The following CLPB variants were observed in gnomAD, a reference collection of about 807,000 sequenced individuals.
CLPB encodes ClpB family mitochondrial disaggregase, also known as mitochondrial disaggregase.
A neutral mutation model predicts 78.4 loss-of-function variants in CLPB; 40 were observed. That is an observed-to-expected ratio of 0.51 (90% CI 0.40 to 0.66). The LOEUF (loss-of-function observed/expected upper bound fraction) is 0.66. Ranked by LOEUF, CLPB falls within the 30% of genes least tolerant of loss-of-function variation. The pLI is 0.00. For missense variants in CLPB, 780 were observed against 886.9 expected, an observed-to-expected ratio of 0.88 and a Z score of 1.53; for synonymous variants, 333 against 348.0, an observed-to-expected ratio of 0.96 and a Z score of 0.48.
chr11:72,335,730 CTG>C (rs1256362739), intron 5 of CLPB, among the ~76,000 whole-genome samples: 1 of 152,204 alleles, frequency 6.6e-6, no homozygotes, highest in Non-Finnish European at 1.5e-5. Flanking sequence ...AAGCCAGACA[CTG>C]TGTTTGATAC....
At chr11:72,353,874 G>C (rs762668193) in intron 5 of CLPB, among the ~76,000 whole-genome samples, 8 of 152,194 alleles carry the variant, frequency 5.3e-5, no homozygotes, top group Non-Finnish European at 1.0e-4. Context: ...GGAAAAGGTA[G>C]GTGAGGGTCA....
chr11:72,329,759 T>A lies in CLPB; in HGVS notation c.821A>T (p.Asp274Val). 1 of 1,614,014 alleles carries A rather than the reference T, an allele frequency of 6.2e-7. No individual in the cohort carries two copies. Among genetic ancestry groups the A allele is most frequent in the Non-Finnish European group, 8.5e-7 (1 of 1,179,968 alleles). The change falls in exon 6 of 16, where the codon GAT (aspartate) becomes GTT (valine). Residue 274 changes from aspartate (D) to valine (V), a missense_variant. Physicochemically the swap from Asp to Val is radical, Grantham distance 152. Coordinates refer to ENST00000538039, the MANE Select transcript of CLPB (RefSeq NM_001258392.3). Reference sequence around the variant, plus strand: ...CATCACTTCCCCTTCTCGGGCATAATCCAAGGGTGTGTGTCCCATTTCATT... The same window carrying A: ...CATCACTTCCCCTTCTCGGGCATAAACCAAGGGTGTGTGTCCCATTTCATT... ...QRNEMGHTPL[D>V]YAREGEVMKL...
At chr11:72,340,299 T>C (rs149264142) in intron 5 of CLPB, among the ~76,000 whole-genome samples, 48 of 152,342 alleles carry the variant, frequency 3.2e-4, no homozygotes, top group African/African-American at 1.2e-3. Context: ...AGGAGGTCGA[T>C]ACACCAGTCC....
chr11:72,310,671 A>G (rs921022502), intron 7 of CLPB, among the ~76,000 whole-genome samples: 13 of 152,214 alleles, frequency 8.5e-5, no homozygotes, highest in Non-Finnish European at 1.5e-4. Context: ...AGTTGGCTAA[A>G]TTAAGAGTCT....
At chr11:72,387,074 G>A (rs1023111611) in intron 3 of CLPB, among the ~76,000 whole-genome samples, 3 of 152,134 alleles carry the variant, frequency 2.0e-5, no homozygotes, top group African/African-American at 7.2e-5. Flanking sequence ...GATGATCAGA[G>A]CATCAGAATG....
chr11:72,348,981 G>A (rs529110888), intron 5 of CLPB, among the ~76,000 whole-genome samples: 2 of 152,214 alleles, frequency 1.3e-5, no homozygotes, highest in Non-Finnish European at 2.9e-5. Flanking sequence ...TGGTAAAAGT[G>A]ATAAATCATA....
At chr11:72,345,172 A>G (rs1407656245) in intron 5 of CLPB, among the ~76,000 whole-genome samples, 1 of 152,126 alleles carries the variant, frequency 6.6e-6, no homozygotes, top group African/African-American at 2.4e-5. Context: ...CAGCAATACC[A>G]CTTCTAAGAC....
At chr11:72,382,568 C>G (rs1854949576) in intron 3 of CLPB, among the ~76,000 whole-genome samples, 1 of 152,184 alleles carries the variant, frequency 6.6e-6, no homozygotes, top group African/African-American at 2.4e-5. Flanking sequence ...AGGCTCCAAG[C>G]TTAACCCTAT....
rs1436371239 is a variant in CLPB, at chr11:72,286,956, TAAC to T, written c.*6408_*6410del. 7 of 152,180 alleles carry T rather than the reference TAAC, an allele frequency of 4.6e-5. No homozygotes were observed. The highest frequency in any genetic ancestry group is 8.8e-5 in the Non-Finnish European group (6 of 68,028). 9.4% of individuals were successfully genotyped at this position (152,180 alleles called of 1,614,324 possible). On this transcript the variant is annotated 3_prime_UTR_variant, in exon 16 of 16. Transcript: ENST00000538039. ...GTATAATTATCAAAATGAGAAAATT[TAAC>T]AACACTAGCACTCTCTAGACATTTA...
intron 5 of CLPB, among the ~76,000 whole-genome samples, chr11:72,349,085 A>G (rs983777767): frequency 6.6e-6 from 1 of 152,264 alleles, no homozygotes; most frequent in Non-Finnish European, 1.5e-5. Context: ...GAATAAATAA[A>G]TACTTAAGAC....
At chr11:72,322,642 A>G (rs1382043753) in intron 6 of CLPB, among the ~76,000 whole-genome samples, 6 of 152,204 alleles carry the variant, frequency 3.9e-5, no homozygotes, top group Non-Finnish European at 5.9e-5. Context: ...GGCTCTATAA[A>G]TACAGGCTAC....
intron 5 of CLPB, chr11:72,353,086 T>C (rs2135594328): frequency 6.6e-6 from 1 of 152,372 alleles, no homozygotes; most frequent in East Asian, 1.9e-4. Flanking sequence ...CGGTGAAGTG[T>C]AACAAGAAGC....
At chr11:72,379,996 C>A in intron 4 of CLPB, among the ~76,000 whole-genome samples, 1 of 152,192 alleles carries the variant, frequency 6.6e-6, no homozygotes, top group Non-Finnish European at 1.5e-5. Flanking sequence ...GGCTGAAGCA[C>A]TTTCAGGAAA....
intron 11 of CLPB, among the ~76,000 whole-genome samples, chr11:72,298,578 A>T (rs1303140364): frequency 1.3e-5 from 2 of 152,120 alleles, no homozygotes; most frequent in Non-Finnish European, 2.9e-5. Flanking sequence ...GCTCACTGCA[A>T]CCTCAGCCTC....
rs1855297286 is a variant in CLPB, at chr11:72,392,953, G to A, written c.542+10013C>T. On this transcript the variant is annotated intron_variant, in intron 3 of 15. Transcript: ENST00000538039. Reference sequence around the variant, plus strand: ...ACCAGGAACAGTGATATTTTCAGATGGCAGTTAAAGCAAAGCAGGTCATAG... The same window carrying A: ...ACCAGGAACAGTGATATTTTCAGATAGCAGTTAAAGCAAAGCAGGTCATAG... Among the ~76,000 whole-genome samples the A allele has an allele frequency of 3.3e-5, 5 of 152,190 alleles. No individual in the cohort carries two copies. The South Asian group carries it at 1.0e-3, about 31-fold the overall frequency.
At chr11:72,315,936 T>C (rs1304191703) in intron 7 of CLPB, among the ~76,000 whole-genome samples, 1 of 152,216 alleles carries the variant, frequency 6.6e-6, no homozygotes, top group African/African-American at 2.4e-5. Flanking sequence ...ATGCTTCAGC[T>C]GGGCTGGCAG....
At chr11:72,315,309 G>A (rs997669841) in intron 7 of CLPB, among the ~76,000 whole-genome samples, 3 of 152,214 alleles carry the variant, frequency 2.0e-5, no homozygotes, top group African/African-American at 7.2e-5. Context: ...GGAGCATGGT[G>A]GGGCTTAGAG....
At chr11:72,363,845 T>C (rs947558006) in intron 4 of CLPB, among the ~76,000 whole-genome samples, 1 of 152,210 alleles carries the variant, frequency 6.6e-6, no homozygotes, top group Non-Finnish European at 1.5e-5. Context: ...TCAGGGTCGG[T>C]TGATACCAGC....
intron 3 of CLPB, among the ~76,000 whole-genome samples, chr11:72,396,144 G>A (rs1160142): frequency 0.06 from 9,110 of 152,070 alleles, 344 homozygotes; most frequent in African/African-American, 0.1. Flanking sequence ...AACAAAGCCC[G>A]GGTACCACAT....
Sources: gnomAD v4.1 joint callset for allele counts (sites outside exome capture counted in the v4.1 genomes callset) on GRCh38, gnomAD v4.1.1 for gene constraint, MANE v1.5 for transcripts, NCBI Gene and HGNC (gene_info 2026-07-23, HGNC 2026-07-21) for gene names.